Variants in EHMT1 observed in about 807,000 individuals in gnomAD.
The protein encoded by EHMT1 is histone-lysine N-methyltransferase EHMT1.
In EHMT1, 15 loss-of-function variants were observed where a neutral mutation model predicts 147.2. The observed-to-expected ratio is 0.10, with a 90% CI of 0.07 to 0.16. EHMT1 has a LOEUF of 0.16. Among genes scored for constraint, EHMT1 ranks in the 10% least tolerant of loss-of-function variants. EHMT1 has a pLI of 1.00. For synonymous variants in EHMT1, 795 were observed against 709.6 expected (o/e 1.12, Z -1.91); for missense variants, 1,587 against 1,772.4 (o/e 0.90, Z 1.88).
chr9:137,759,452 A>G (rs529269201), intron 9 of EHMT1, among the ~76,000 whole-genome samples: 2 of 152,206 alleles, frequency 1.3e-5, no homozygotes, highest in Non-Finnish European at 1.5e-5. Context: ...GAGCTGGCAC[A>G]TGAAGGCCGT....
intron 16 of EHMT1, among the ~76,000 whole-genome samples, chr9:137,796,975 G>C (rs1027692515): frequency 5.3e-5 from 8 of 152,192 alleles, no homozygotes; most frequent in Non-Finnish European, 1.0e-4. Flanking sequence ...AGTAGGGTCT[G>C]TGATGTGTCT....
intron 2 of EHMT1, among the ~76,000 whole-genome samples, chr9:137,711,258 C>G (rs1453643085): frequency 1.3e-5 from 2 of 152,162 alleles, no homozygotes; most frequent in African/African-American, 4.8e-5. Context: ...AGCAAAAATC[C>G]TGTATATCCT....
chr9:137,790,745 G>T, intron 15 of EHMT1, 103 bp from the exon 16 acceptor site: 4 of 1,543,224 alleles, frequency 2.6e-6, no homozygotes, highest in Non-Finnish European at 3.6e-6. Flanking sequence ...CACTGAAACA[G>T]TGCAGCTCTC....
intron 14 of EHMT1, among the ~76,000 whole-genome samples, chr9:137,780,632 T>C (rs1429186452): frequency 5.7e-5 from 5 of 87,412 alleles, no homozygotes; most frequent in African/African-American, 1.5e-4. Context: ...GACGCTGAGA[T>C]GTGTGGTGAT....
At chr9:137,822,443 T>A (rs1489301095) in intron 25 of EHMT1, among the ~76,000 whole-genome samples, 2 of 152,202 alleles carry the variant, frequency 1.3e-5, no homozygotes, top group East Asian at 3.8e-4. Flanking sequence ...AAGAAACCGC[T>A]AGTTTTCCAA....
intron 1 of EHMT1, chr9:137,697,247 C>T (rs1343860760): frequency 2.6e-5 from 6 of 229,822 alleles, no homozygotes; most frequent in African/African-American, 1.2e-4. Context: ...TGCCACTGCA[C>T]GCCAGCCTGG....
At chr9:137,670,845 G>A (rs1438766603) in intron 1 of EHMT1, among the ~76,000 whole-genome samples, 3 of 152,120 alleles carry the variant, frequency 2.0e-5, no homozygotes, top group African/African-American at 7.2e-5. Context: ...TTCTCTGTCC[G>A]CTCGCCTTTG....
chr9:137,743,284 T>G, intron 4 of EHMT1, 87 bp from the exon 5 acceptor site: 4 of 1,504,596 alleles, frequency 2.7e-6, no homozygotes, highest in Non-Finnish European at 3.5e-6. Context: ...GATCAAGTTT[T>G]GTAAACTGTC....
intron 4 of EHMT1, among the ~76,000 whole-genome samples, chr9:137,737,122 G>A (rs1232923254): frequency 6.6e-6 from 1 of 152,098 alleles, no homozygotes. Context: ...TGAGGTGGGA[G>A]GATTGCTGGA....
chr9:137,802,768 T>A (rs550456648), intron 18 of EHMT1: 1 of 1,216,022 alleles, frequency 8.2e-7, no homozygotes, highest in East Asian at 3.2e-5. Flanking sequence ...TGAGCTGCAG[T>A]GCCTCCTCCG....
chr9:137,630,048 A>G (rs899958748), intron 1 of EHMT1, among the ~76,000 whole-genome samples: 2 of 152,240 alleles, frequency 1.3e-5, no homozygotes, highest in Non-Finnish European at 2.9e-5. Context: ...TTTGAAATGG[A>G]GTCTCTTGGA....
chr9:137,702,790 GC>G (rs1178617792), intron 1 of EHMT1, among the ~76,000 whole-genome samples: 1 of 152,224 alleles, frequency 6.6e-6, no homozygotes, highest in Non-Finnish European at 1.5e-5. Flanking sequence ...CTCCGTGGGG[GC>G]TTCGCCCCTG....
chr9:137,671,034 C>T (rs1415613450), intron 1 of EHMT1, among the ~76,000 whole-genome samples: 1 of 152,190 alleles, frequency 6.6e-6, no homozygotes, highest in Non-Finnish European at 1.5e-5. Context: ...TTGAATGTAA[C>T]AGAGGGCTGT....
In EHMT1 at chr9:137,642,361, A is replaced by G. The variant is rs557894869; in HGVS notation, c.21+23312A>G. 1.4e-4 allele frequency among the ~76,000 whole-genome samples: 21 copies of G among 151,904 alleles called. No individual in the cohort carries two copies. In the East Asian group the frequency reaches 3.7e-3, roughly 27 times the overall value. On this transcript the variant is annotated intron_variant, in intron 1 of 26. Transcript: ENST00000460843. ...CCAGGCTGGAGCGCAGTGAGTATTC[A>G]TAGGCATGATCATAGTGCACCGTGG...
At position 137,776,067 on chromosome 9, in the gene EHMT1, C is replaced by T. The variant is rs142535290; in HGVS notation, c.1792-551C>T. On this transcript the variant is annotated intron_variant, in intron 11 of 26. Coordinates refer to ENST00000460843, the MANE Select transcript of EHMT1 (RefSeq NM_024757.5). The surrounding 1 kb of genome is among the most constrained non-coding windows in gnomAD (Gnocchi z 4.4). ...CTTTTGGGAGACTTTCTTTGGACTT[C>T]ACACCTTGCATGTCCTCCCCATCTT... 2.0e-3 allele frequency among the ~76,000 whole-genome samples: 312 copies of T among 152,316 alleles called. No homozygotes were observed. The highest frequency in any genetic ancestry group is 4.6e-3 in the South Asian group (22 of 4,826).
chr9:137,750,841 G>C (rs1418265028), intron 6 of EHMT1, among the ~76,000 whole-genome samples: 5 of 152,244 alleles, frequency 3.3e-5, no homozygotes, highest in African/African-American at 1.2e-4. Flanking sequence ...CCTGTGACAT[G>C]TATAAAGGTC....
intron 2 of EHMT1, among the ~76,000 whole-genome samples, chr9:137,714,719 A>AT (rs898102830): frequency 6.6e-6 from 1 of 151,634 alleles, no homozygotes; most frequent in African/African-American, 2.4e-5. Context: ...TGCCCGGCTA[A>AT]TTTTTTAATT....
intron 25 of EHMT1, among the ~76,000 whole-genome samples, chr9:137,821,826 T>G (rs557811919): frequency 6.6e-6 from 1 of 152,214 alleles, no homozygotes; most frequent in African/African-American, 2.4e-5. Flanking sequence ...ATTTGTTAGA[T>G]CTTTCTTAAT....
At chr9:137,701,262 C>G (rs2501561) in intron 1 of EHMT1, among the ~76,000 whole-genome samples, 2,951 of 151,892 alleles carry the variant, frequency 0.019, 83 homozygotes, top group African/African-American at 0.067. Flanking sequence ...ATCTCATGTC[C>G]TTTTCACATT....
Sources: allele counts gnomAD v4.1 joint callset (sites outside exome capture counted in the v4.1 genomes callset), GRCh38; gene constraint gnomAD v4.1.1; non-coding constraint Gnocchi (gnomAD v3.1); transcripts MANE v1.5; gene names NCBI Gene and HGNC (gene_info 2026-07-23, HGNC 2026-07-21).